The following TSNARE1 variants were observed in gnomAD, a reference collection of about 807,000 sequenced individuals.
TSNARE1 encodes the protein t-SNARE domain-containing protein 1.
TSNARE1 carries 49 observed loss-of-function variants against 62.0 expected under a neutral mutation model. The ratio of observed to expected loss-of-function variants is 0.79; its 90% CI spans 0.63 to 1.00. The LOEUF is 1.00. Ranked by LOEUF, TSNARE1 falls within the 50% of genes least tolerant of loss-of-function variation. TSNARE1 has a pLI of 0.00. For synonymous variants in TSNARE1, 328 were observed against 294.4 expected, an observed-to-expected ratio of 1.11 and a Z score of -1.17; for missense variants, 755 against 700.1, an observed-to-expected ratio of 1.08 and a Z score of -0.88.
At position 142,261,319 on chromosome 8, in the gene TSNARE1, TGGAGGAGAGAG is replaced by T. The variant is rs1377685819; in HGVS notation, c.1446+13451_1446+13461del. On this transcript the variant is annotated intron_variant, in intron 12 of 13. Transcript: ENST00000524325. ...GAGGGAAGGAGAGAGGAAGGAGGGA[TGGAGGAGAGAG>T]GGAGGAGGGAGGGAGGGAGAGTGGG... Among the ~76,000 whole-genome samples, 3 of 42,586 alleles carry T rather than the reference TGGAGGAGAGAG, an allele frequency of 7.0e-5. No homozygotes were observed. In the East Asian group the frequency reaches 2.7e-3, roughly 38 times the overall value. The allele number at this position is 42,586 out of a possible 152,430, so 27.9% of individuals were successfully genotyped here.
chr8:142,225,937 GC>G (rs1225237094), intron 13 of TSNARE1, among the ~76,000 whole-genome samples: 5 of 152,172 alleles, frequency 3.3e-5, no homozygotes, highest in African/African-American at 1.2e-4. Flanking sequence ...TTCTGGTGGT[GC>G]CAGGTGTTTC....
At chr8:142,301,675 G>A (rs1055006070) in intron 9 of TSNARE1, among the ~76,000 whole-genome samples, 17 of 152,188 alleles carry the variant, frequency 1.1e-4, no homozygotes, top group Admixed American at 1.0e-3. Context: ...TGTGTGTGAG[G>A]GAAAAAGGGA....
intron 12 of TSNARE1, among the ~76,000 whole-genome samples, chr8:142,230,344 G>A (rs938538791): frequency 1.3e-5 from 2 of 152,224 alleles, no homozygotes; most frequent in African/African-American, 4.8e-5. Flanking sequence ...AAGGGACAGG[G>A]AATGGGAAGG....
Position 142,274,623 on chromosome 8 carries a change from A to T in TSNARE1, c.1446+158T>A, listed in dbSNP as rs1820131067. On this transcript the variant is annotated intron_variant, in intron 12 of 13. Transcript: ENST00000524325. ...GCAACCCCGCCACTCCCAGAGCCCTAGGGCACGGGCAGCAGACTGGTTCAG... is the reference window on the plus strand; with the variant it reads ...GCAACCCCGCCACTCCCAGAGCCCTTGGGCACGGGCAGCAGACTGGTTCAG... 7.1e-6 allele frequency: 7 copies of T among 985,320 alleles called. No homozygotes were observed. The South Asian group carries it at 3.3e-4, about 46-fold the overall frequency. 61.0% of individuals were successfully genotyped at this position (985,320 alleles called of 1,614,324 possible). A position where few individuals can be genotyped will look rare whatever the true frequency, so the allele number is the denominator to read the frequency against.
At chr8:142,390,554 A>G (rs1426850502) in intron 1 of TSNARE1, among the ~76,000 whole-genome samples, 2 of 67,140 alleles carry the variant, frequency 3.0e-5, no homozygotes, top group Admixed American at 1.4e-4. Flanking sequence ...GGACTCTGTA[A>G]CAGACGCTGT....
At chr8:142,385,236 A>G (rs4928692) in intron 1 of TSNARE1, among the ~76,000 whole-genome samples, 30,679 of 152,068 alleles carry the variant, frequency 0.2, 3,207 homozygotes, top group East Asian at 0.28. Flanking sequence ...CAAGACCCTG[A>G]AAGGATGGCA....
chr8:142,282,691 A>G (rs1321416124), intron 11 of TSNARE1, among the ~76,000 whole-genome samples: 1 of 145,014 alleles, frequency 6.9e-6, no homozygotes, highest in Non-Finnish European at 1.5e-5. Context: ...GTCAATGAGC[A>G]GAGGCGGGGC....
At chr8:142,397,940 G>A (rs774689357) in intron 1 of TSNARE1, among the ~76,000 whole-genome samples, 6 of 151,780 alleles carry the variant, frequency 4.0e-5, no homozygotes, top group East Asian at 3.9e-4. Flanking sequence ...AGACCTCTTC[G>A]GCAAACCTCA....
intron 1 of TSNARE1, among the ~76,000 whole-genome samples, chr8:142,385,413 G>C (rs971869651): frequency 1.3e-5 from 2 of 152,178 alleles, no homozygotes; most frequent in Non-Finnish European, 2.9e-5. Context: ...CCGTCAAAAC[G>C]ACTGTCAATG....
intron 12 of TSNARE1, among the ~76,000 whole-genome samples, chr8:142,234,027 T>C (rs1367981444): frequency 6.6e-6 from 1 of 152,176 alleles, no homozygotes; most frequent in Non-Finnish European, 1.5e-5. Context: ...TGGCAGGTGC[T>C]CAGTGGAAAC....
rs145700462 is a variant in TSNARE1 at position 142,310,924 on chromosome 8, A to G, written c.1131+3460T>C. Among the ~76,000 whole-genome samples the G allele has an allele frequency of 1.2e-4, 18 of 152,252 alleles. No homozygotes were observed. The East Asian group carries it at 2.9e-3, about 24-fold the overall frequency. On this transcript the variant is annotated intron_variant, in intron 9 of 13. Transcript: ENST00000524325. The stretch of plus-strand genomic sequence containing the variant: ...GAATGAAATGGCATGCTCTCAGCTC[A>G]CTGCAACCTCCATCACCCAGGTTCA...
intron 1 of TSNARE1, among the ~76,000 whole-genome samples, chr8:142,386,792 C>T (rs999472315): frequency 2.2e-4 from 34 of 152,120 alleles, no homozygotes; most frequent in Non-Finnish European, 3.7e-4. Flanking sequence ...TAAATAGCTA[C>T]GCAACAAATC....
rs1838192786 is a variant in TSNARE1 at position 142,400,284 on chromosome 8, A to G, written c.-40+2820T>C. Reference sequence around the variant, plus strand: ...ACATGGTGAAACCCCGTCTCTATTTAAAATACAAAACATTAGCCAGGCGTG... The same window carrying G: ...ACATGGTGAAACCCCGTCTCTATTTGAAATACAAAACATTAGCCAGGCGTG... On this transcript the variant is annotated intron_variant, in intron 1 of 13. Coordinates refer to ENST00000524325, the MANE Select transcript of TSNARE1 (RefSeq NM_145003.5). Among the ~76,000 whole-genome samples the G allele has an allele frequency of 2.0e-5, 3 of 152,106 alleles. No homozygotes were observed. The South Asian group carries it at 6.2e-4, about 32-fold the overall frequency.
At chr8:142,383,310 C>T (rs534085713) in intron 1 of TSNARE1, among the ~76,000 whole-genome samples, 5 of 152,184 alleles carry the variant, frequency 3.3e-5, no homozygotes, top group South Asian at 2.1e-4. Flanking sequence ...CTGGGTAAGA[C>T]GTGTGGTCAG....
At chr8:142,275,211 C>G in intron 11 of TSNARE1, 1 of 985,420 alleles carries the variant, frequency 1.0e-6, no homozygotes, top group Non-Finnish European at 1.2e-6. Flanking sequence ...CCTGGGCCAG[C>G]CCCTCCACTC....
rs941425895 is a variant in TSNARE1, at chr8:142,252,607, C to G, written c.1446+22174G>C. 3.9e-5 allele frequency among the ~76,000 whole-genome samples: 6 copies of G among 152,194 alleles called. 1 individual carries two copies. Among genetic ancestry groups the G allele is most frequent in the Admixed American group, 2.0e-4 (3 of 15,288 alleles). ...ATGGCTCAGAGACAACACGATTTGTCAAAAGTCACACAGCAAGCAAGTAAC... is the reference window on the plus strand; with the variant it reads ...ATGGCTCAGAGACAACACGATTTGTGAAAAGTCACACAGCAAGCAAGTAAC... On this transcript the variant is annotated intron_variant, in intron 12 of 13. Coordinates refer to ENST00000524325, the MANE Select transcript of TSNARE1 (RefSeq NM_145003.5).
At chr8:142,379,418 G>A (rs1434404190) in intron 1 of TSNARE1, among the ~76,000 whole-genome samples, 1 of 152,214 alleles carries the variant, frequency 6.6e-6, no homozygotes, top group Non-Finnish European at 1.5e-5. Flanking sequence ...GCTGGCCGAG[G>A]GGCTACGCTT....
chr8:142,224,748 G>A (rs938733028), intron 13 of TSNARE1, among the ~76,000 whole-genome samples: 5 of 151,742 alleles, frequency 3.3e-5, no homozygotes, highest in African/African-American at 1.2e-4. Context: ...GCCTCTTGGA[G>A]CTCCCAGGCT....
Position 142,403,165 on chromosome 8 carries a change from G to A in TSNARE1, c.-101C>T, listed in dbSNP as rs1466247262. The A allele has an allele frequency of 6.7e-6, 1 of 148,986 alleles. No homozygotes were observed. 9.2% of individuals were successfully genotyped at this position (148,986 alleles called of 1,614,324 possible). A position where few individuals can be genotyped will look rare whatever the true frequency, so the allele number is the denominator to read the frequency against. On this transcript the variant is annotated 5_prime_UTR_variant, in exon 1 of 14. Coordinates refer to ENST00000524325, the MANE Select transcript of TSNARE1 (RefSeq NM_145003.5). ...CACGGCGGGCGAGGCGGGCGGGGCG[G>A]GCACCCAAACATCACGTGACGGCCC...
Sources: gnomAD v4.1 joint callset for allele counts (sites outside exome capture counted in the v4.1 genomes callset) on GRCh38, gnomAD v4.1.1 for gene constraint, MANE v1.5 for transcripts, NCBI Gene and HGNC (gene_info 2026-07-23, HGNC 2026-07-21) for gene names.